Variants in CDH18 observed in about 807,000 individuals in gnomAD.
The protein encoded by CDH18 is cadherin 18.
A neutral mutation model predicts 67.9 loss-of-function variants in CDH18; 31 were observed. The ratio of observed to expected loss-of-function variants is 0.46; its 90% confidence interval spans 0.34 to 0.62. The LOEUF (loss-of-function observed/expected upper bound fraction) is 0.62, where lower values mean the gene tolerates loss of function less well. Among genes scored for constraint, CDH18 ranks in the 20% least tolerant of loss-of-function variants. The pLI, the probability that CDH18 is intolerant of heterozygous loss-of-function variation, is 0.01. For missense variants in CDH18, 890 were observed against 975.5 expected (o/e 0.91, Z 1.17); for synonymous variants, 362 against 347.2 (o/e 1.04, Z -0.48).
At chr5:19,515,458 A>G (rs1177301688) in intron 10 of CDH18, among the ~76,000 whole-genome samples, 1 of 150,586 alleles carries the variant, frequency 6.6e-6, no homozygotes, top group Non-Finnish European at 1.5e-5. Flanking sequence ...TTTTCATGAT[A>G]TTGATTCTTC....
chr5:20,295,192 A>G (rs1747390460), intron 1 of CDH18, among the ~76,000 whole-genome samples: 1 of 152,198 alleles, frequency 6.6e-6, no homozygotes, highest in African/African-American at 2.4e-5. Flanking sequence ...TAGCATCAAT[A>G]AAAACCAAGA....
chr5:19,815,764 C>A (rs931864184), intron 3 of CDH18, among the ~76,000 whole-genome samples: 8 of 151,912 alleles, frequency 5.3e-5, no homozygotes, highest in African/African-American at 1.9e-4. Context: ...GAGCATCGCT[C>A]CTTTCTATCA....
intron 2 of CDH18, among the ~76,000 whole-genome samples, chr5:19,954,751 C>T (rs1579780447): frequency 6.6e-6 from 1 of 151,922 alleles, no homozygotes; most frequent in Non-Finnish European, 1.5e-5. Context: ...TACAAACACA[C>T]ACACACTAAC....
chr5:19,741,299 A>G (rs113656997), intron 4 of CDH18, among the ~76,000 whole-genome samples: 1 of 141,754 alleles, frequency 7.1e-6, no homozygotes, highest in Non-Finnish European at 1.5e-5. Context: ...ACATACATAT[A>G]TGTACATATA....
chr5:20,409,968 A>G (rs1356728161), intron 1 of CDH18, among the ~76,000 whole-genome samples: 3 of 151,810 alleles, frequency 2.0e-5, no homozygotes, highest in African/African-American at 7.2e-5. Flanking sequence ...AAATGGATTT[A>G]TAATAAGAAG....
chr5:20,470,020 C>T (rs1751936351), intron 1 of CDH18, among the ~76,000 whole-genome samples: 1 of 152,112 alleles, frequency 6.6e-6, no homozygotes, highest in Non-Finnish European at 1.5e-5. Context: ...AATAGCCACT[C>T]CTCCACCATC....
At chr5:20,024,806 T>C (rs1561724398) in intron 2 of CDH18, among the ~76,000 whole-genome samples, 1 of 151,980 alleles carries the variant, frequency 6.6e-6, no homozygotes, top group African/African-American at 2.4e-5. Context: ...AACCAAAACA[T>C]GGTGGGGGCT....
intron 4 of CDH18, among the ~76,000 whole-genome samples, chr5:19,741,361 C>T (rs1307445927): frequency 2.2e-5 from 3 of 134,712 alleles, no homozygotes; most frequent in Admixed American, 7.6e-5. Flanking sequence ...CACACACACA[C>T]ATATATGACA....
At position 19,839,045 on chromosome 5, in the gene CDH18, TAGTG is replaced by T. The variant is rs1358038984; in HGVS notation, c.-63_-60del. The stretch of plus-strand genomic sequence containing the variant: ...CCTTTCCTTGTCAGCTACGAAAGCT[TAGTG>T]AGCATTCAAGAGAGAAGCCAGAGCA... On this transcript the variant is annotated 5_prime_UTR_variant, in exon 3 of 13. It removes the in-frame stop codon of an upstream open reading frame in the 5' UTR. Transcript: ENST00000382275. 7.4e-7 allele frequency: 1 copy of T among 1,356,996 alleles called. No individual in the cohort carries two copies. Among genetic ancestry groups the T allele is most frequent in the Non-Finnish European group, 1.1e-6 (1 of 950,890 alleles). The allele number at this position is 1,356,996 out of a possible 1,614,324, so 84.1% of individuals were successfully genotyped here.
intron 12 of CDH18, among the ~76,000 whole-genome samples, chr5:19,480,110 C>G (rs1440198208): frequency 6.6e-6 from 1 of 151,896 alleles, no homozygotes; most frequent in Non-Finnish European, 1.5e-5. Context: ...AGATAACATG[C>G]TTCACCTAAG....
At chr5:19,679,477 T>G (rs779950186) in intron 5 of CDH18, among the ~76,000 whole-genome samples, 64 of 151,876 alleles carry the variant, frequency 4.2e-4, no homozygotes, top group Non-Finnish European at 7.4e-4. Context: ...GAGAAAGAAA[T>G]AAAAGACATC....
intron 8 of CDH18, among the ~76,000 whole-genome samples, chr5:19,567,897 C>T (rs1402905512): frequency 1.3e-5 from 2 of 152,156 alleles, no homozygotes; most frequent in South Asian, 2.1e-4. Flanking sequence ...TGATATAGGA[C>T]AATTACTGAG....
At chr5:19,709,181 C>T (rs1355134128) in intron 5 of CDH18, among the ~76,000 whole-genome samples, 2 of 152,052 alleles carry the variant, frequency 1.3e-5, no homozygotes, top group African/African-American at 4.8e-5. Flanking sequence ...ACTCACCTGG[C>T]ACTTACTTCG....
At chr5:19,888,848 A>C (rs544584004) in intron 2 of CDH18, among the ~76,000 whole-genome samples, 3 of 152,252 alleles carry the variant, frequency 2.0e-5, no homozygotes, top group African/African-American at 7.2e-5. Flanking sequence ...GAATGTTTTA[A>C]TTATTTTTGC....
At chr5:19,535,447 AC>A (rs1346881791) in intron 9 of CDH18, among the ~76,000 whole-genome samples, 1 of 152,204 alleles carries the variant, frequency 6.6e-6, no homozygotes, top group Non-Finnish European at 1.5e-5. Context: ...TTTATAAGCT[AC>A]AGGGACTTAA....
intron 4 of CDH18, among the ~76,000 whole-genome samples, chr5:19,739,118 T>A (rs1340081868): frequency 6.6e-6 from 1 of 152,162 alleles, no homozygotes; most frequent in Non-Finnish European, 1.5e-5. Flanking sequence ...TTCCAAAAAT[T>A]AAGAGCCAAT....
chr5:19,555,590 C>T (rs72737452), intron 8 of CDH18, among the ~76,000 whole-genome samples: 6,369 of 152,278 alleles, frequency 0.042, 171 homozygotes, highest in Non-Finnish European at 0.058. Flanking sequence ...CTGGGAACCA[C>T]ATCCCCATCC....
chr5:19,975,483 C>T (rs1798414679), intron 2 of CDH18, among the ~76,000 whole-genome samples: 1 of 151,966 alleles, frequency 6.6e-6, no homozygotes, highest in Non-Finnish European at 1.5e-5. Context: ...AATGTATTTT[C>T]AATGAAAGGC....
intron 1 of CDH18, among the ~76,000 whole-genome samples, chr5:20,546,030 C>G (rs1757323306): frequency 6.6e-6 from 1 of 152,156 alleles, no homozygotes; most frequent in Non-Finnish European, 1.5e-5. Flanking sequence ...ACTAGATACA[C>G]TACATCATCT....
Sources: allele counts gnomAD v4.1 joint callset (sites outside exome capture counted in the v4.1 genomes callset), GRCh38; gene constraint gnomAD v4.1.1; transcripts MANE v1.5; gene names NCBI Gene and HGNC (gene_info 2026-07-23, HGNC 2026-07-21).